Variants in DSC1 observed in about 807,000 individuals in gnomAD.
DSC1 encodes the protein desmocollin-1.
In DSC1, 79 loss-of-function variants were observed where a neutral mutation model predicts 98.8. The ratio of observed to expected loss-of-function variants is 0.80; its 90% CI spans 0.67 to 0.96. DSC1 has a LOEUF of 0.96. Among genes scored for constraint, DSC1 ranks in the 50% least tolerant of loss-of-function variants. DSC1 has a pLI of 0.00. For synonymous variants in DSC1, 405 were observed against 372.1 expected (o/e 1.09, Z -1.02); for missense variants, 1,115 against 1,075.9 (o/e 1.04, Z -0.51).
At chr18:31,138,901 T>G (rs1988669636) in intron 11 of DSC1, among the ~76,000 whole-genome samples, 1 of 152,082 alleles carries the variant, frequency 6.6e-6, no homozygotes, top group African/African-American at 2.4e-5. Flanking sequence ...ATCTTTATTA[T>G]TTATGGCAAT....
Position 31,129,787 on chromosome 18 carries a change from C to A in DSC1, c.*727G>T, listed in dbSNP as rs1988444561. ...AGGGCTGCAATTCTTTCATGGAAAT[C>A]TTCTCATGTAATCTTCATAAAATCT... On this transcript the variant is annotated 3_prime_UTR_variant, in exon 16 of 16. Transcript: ENST00000257198. 6.6e-6 allele frequency: 1 copy of A among 152,170 alleles called. No homozygotes were observed. The highest frequency in any genetic ancestry group is 2.4e-5 in the African/African-American group (1 of 41,428). The allele number at this position is 152,170 out of a possible 1,614,324, so 9.4% of individuals were successfully genotyped here. A position where few individuals can be genotyped will look rare whatever the true frequency, so the allele number is the denominator to read the frequency against.
At chr18:31,143,288 G>T (rs1988773737) in intron 8 of DSC1, among the ~76,000 whole-genome samples, 1 of 151,250 alleles carries the variant, frequency 6.6e-6, no homozygotes, top group African/African-American at 2.4e-5. Flanking sequence ...AAGTTGAAAT[G>T]TAAAGGACAC....
chr18:31,159,607 T>C (rs1262597921), intron 1 of DSC1, 78 bp from the exon 2 acceptor site: 16 of 1,317,620 alleles, frequency 1.2e-5, no homozygotes, highest in South Asian at 8.3e-5. Context: ...TTCTTATTGA[T>C]AAAAATATTG....
chr18:31,141,136 T>C (rs1988726343), intron 9 of DSC1, among the ~76,000 whole-genome samples: 1 of 152,136 alleles, frequency 6.6e-6, no homozygotes. Flanking sequence ...GATATGTCTT[T>C]ATCAGCCATG....
Position 31,159,458 on chromosome 18 carries a change from T to C in DSC1, c.135A>G (p.Thr45=). The C allele has an allele frequency of 1.1e-5, 17 of 1,613,218 alleles. 1 individual carries two copies. Among genetic ancestry groups the C allele is most frequent in the Non-Finnish European group, 1.4e-5 (17 of 1,179,748 alleles). The change falls in exon 2 of 16, where the codon ACA becomes ACG. Residue 45 remains threonine (T), a synonymous_variant. Transcript: ENST00000257198. Reference sequence around the variant, plus strand: ...AGTGTTTCTCACCTTTGCCTACAAGTGTTTCAGCCTGAAGATGAGAAGGAA... The same window carrying C: ...AGTGTTTCTCACCTTTGCCTACAAGCGTTTCAGCCTGAAGATGAGAAGGAA... ...LRVPSHLQAE[T]LVGKVNLEEC... is the part of the protein sequence containing the mutation.
chr18:31,132,663 T>A lies in DSC1; in HGVS notation c.2143A>T (p.Thr715Ser), dbSNP rs762258360. 4.9e-5 allele frequency: 79 copies of A among 1,613,104 alleles called. No homozygotes were observed. The South Asian group carries it at 8.5e-4, about 17-fold the overall frequency. ...CATTTCTTGACTGTTCTCTTAGCAG[T>A]GACACAGAAACATGTAAACAGAATA... ...LCILFTCFCV[T>S]AKRTVKKCFP... The change falls in exon 14 of 16, where the codon ACT becomes TCT. Residue 715 changes from threonine to serine, a missense_variant. By Grantham distance (58) the Thr-to-Ser change is moderately conservative. Transcript: ENST00000257198.
intron 5 of DSC1, among the ~76,000 whole-genome samples, chr18:31,150,475 A>C (rs1375763826): frequency 7.1e-6 from 1 of 140,160 alleles, no homozygotes; most frequent in African/African-American, 2.7e-5. Context: ...CATCACCAGC[A>C]TCATCATCAG....
chr18:31,148,586 C>T lies in DSC1; in HGVS notation c.684G>A (p.Leu228=). Residue 228 remains leucine, a synonymous_variant, in exon 6 of 16, where the codon TTG becomes TTA. Coordinates refer to ENST00000257198, the MANE Select transcript of DSC1 (RefSeq NM_024421.2). ...DGYAPEYPLP[L]IIKIEDDNDN... ...CATTATCATCTTCAATTTTGATGATCAAAGGGAGTGGATATTCTGGTGCAT... is the reference window on the plus strand; with the variant it reads ...CATTATCATCTTCAATTTTGATGATTAAAGGGAGTGGATATTCTGGTGCAT... The T allele has an allele frequency of 6.2e-7, 1 of 1,611,148 alleles. No individual in the cohort carries two copies. The highest frequency in any genetic ancestry group is 1.1e-5 in the South Asian group (1 of 90,796).
intron 11 of DSC1, among the ~76,000 whole-genome samples, chr18:31,138,747 GACACA>G (rs1988665873): frequency 1.2e-5 from 1 of 84,836 alleles, no homozygotes; most frequent in Non-Finnish European, 3.2e-5. Flanking sequence ...AAATGCAATA[GACACA>G]GGAAAAAAAA....
At chr18:31,162,430 T>C (rs1204795335) in intron 1 of DSC1, 102 bp downstream of exon 1, 4 of 1,096,710 alleles carry the variant, frequency 3.6e-6, no homozygotes, top group Non-Finnish European at 5.5e-6. Context: ...ATCTCTCTTC[T>C]CTGCCTCCCA....
intron 7 of DSC1, among the ~76,000 whole-genome samples, chr18:31,144,149 A>G (rs1988794468): frequency 6.6e-6 from 1 of 152,054 alleles, no homozygotes; most frequent in African/African-American, 2.4e-5. Flanking sequence ...AGCTTAGGCA[A>G]TCTGCCTGCC....
intron 5 of DSC1, among the ~76,000 whole-genome samples, chr18:31,149,803 C>T (rs1988922628): frequency 6.6e-6 from 1 of 152,154 alleles, no homozygotes; most frequent in Admixed American, 6.5e-5. Flanking sequence ...ACACTCCAAA[C>T]TCTGGAATGG....
chr18:31,152,171 A>G (rs1393605392), intron 5 of DSC1, among the ~76,000 whole-genome samples: 1 of 151,496 alleles, frequency 6.6e-6, no homozygotes, highest in Non-Finnish European at 1.5e-5. Flanking sequence ...CAAAAAAACA[A>G]CAAAAAAAAA....
In DSC1 at chr18:31,130,470, TC is replaced by T; in HGVS notation, c.*43del. The stretch of plus-strand genomic sequence containing the variant: ...TGCTAACATTCTGCAAGTAATAAAT[TC>T]CTACTTATGCATCTGTGGATATTAC... On this transcript the variant is annotated 3_prime_UTR_variant, in exon 16 of 16. Transcript: ENST00000257198. 1.2e-6 allele frequency: 2 copies of T among 1,600,690 alleles called. No individual in the cohort carries two copies. The highest frequency in any genetic ancestry group is 1.7e-6 in the Non-Finnish European group (2 of 1,170,290).
At chr18:31,130,819 G>A (rs575190874) in intron 15 of DSC1, 108 bp from the exon 16 acceptor site, 15 of 1,612,512 alleles carry the variant, frequency 9.3e-6, no homozygotes, top group Non-Finnish European at 1.3e-5. Context: ...TTTAATCAGA[G>A]TGTGTCCTCT....
At chr18:31,148,268 T>C (rs1276860119) in intron 6 of DSC1, among the ~76,000 whole-genome samples, 2 of 152,186 alleles carry the variant, frequency 1.3e-5, no homozygotes, top group South Asian at 2.1e-4. Flanking sequence ...AAATGTATAA[T>C]ATTTTATCAT....
intron 6 of DSC1, among the ~76,000 whole-genome samples, chr18:31,148,093 A>G (rs1002085760): frequency 3.9e-5 from 6 of 152,148 alleles, no homozygotes; most frequent in East Asian, 1.9e-4. Flanking sequence ...TTTATACTGA[A>G]CAACAACTTT....
At chr18:31,147,619 T>C (rs917382005) in intron 6 of DSC1, among the ~76,000 whole-genome samples, 4 of 152,164 alleles carry the variant, frequency 2.6e-5, no homozygotes, top group African/African-American at 9.6e-5. Flanking sequence ...AAAAATCTAG[T>C]GTTTTCCTAA....
intron 11 of DSC1, among the ~76,000 whole-genome samples, chr18:31,139,415 AC>A (rs943805581): frequency 8.5e-5 from 13 of 152,146 alleles, no homozygotes; most frequent in Non-Finnish European, 1.8e-4. Flanking sequence ...CTGAAAAAAA[AC>A]GGTGATCCTT....
Sources: gnomAD v4.1 joint callset for allele counts (sites outside exome capture counted in the v4.1 genomes callset) on GRCh38, gnomAD v4.1.1 for gene constraint, MANE v1.5 for transcripts, NCBI Gene and HGNC (gene_info 2026-07-23, HGNC 2026-07-21) for gene names.